GALNT17: variants seen among roughly 807,000 people sequenced by gnomAD.
The protein encoded by GALNT17 is polypeptide N-acetylgalactosaminyltransferase 17, also known as UDP-GalNAc:polypeptide N-acetylgalactosaminyltransferase-like 3.
In GALNT17, 29 loss-of-function variants were observed where a neutral mutation model predicts 63.7. The ratio of observed to expected loss-of-function variants is 0.46; its 90% confidence interval spans 0.34 to 0.62. GALNT17 has a LOEUF of 0.62. Ranked by LOEUF, GALNT17 falls within the 20% of genes least tolerant of loss-of-function variation. The pLI is 0.01. For missense variants in GALNT17, 603 were observed against 799.6 expected, an observed-to-expected ratio of 0.75 and a Z score of 2.97; for synonymous variants, 305 against 318.3, an observed-to-expected ratio of 0.96 and a Z score of 0.45.
chr7:71,555,540 A>C (rs957666553), intron 5 of GALNT17, among the ~76,000 whole-genome samples: 3 of 151,940 alleles, frequency 2.0e-5, no homozygotes, highest in Non-Finnish European at 2.9e-5. Flanking sequence ...CCCACCTATA[A>C]CACTGGTGAT....
chr7:71,584,389 C>T (rs1789684239), intron 6 of GALNT17, among the ~76,000 whole-genome samples: 1 of 152,056 alleles, frequency 6.6e-6, no homozygotes, highest in Non-Finnish European at 1.5e-5. Flanking sequence ...ATAATGAATC[C>T]AAATGTACTG....
rs151318109 is a variant in GALNT17, at chr7:71,458,412, G to A, written c.962+37307G>A. On this transcript the variant is annotated intron_variant, in intron 5 of 10. Coordinates refer to ENST00000333538, the MANE Select transcript of GALNT17 (RefSeq NM_022479.3). ...GAGTGCTTTTGGGCTGCAGCCCCAC[G>A]GTAGCATCTAAGATGGGTGCCTGTG... 1.0e-3 allele frequency among the ~76,000 whole-genome samples: 155 copies of A among 152,272 alleles called. 1 individual carries two copies. Among genetic ancestry groups the A allele is most frequent in the African/African-American group, 3.4e-3 (141 of 41,574 alleles).
intron 7 of GALNT17, among the ~76,000 whole-genome samples, chr7:71,668,702 G>A (rs1274823885): frequency 6.6e-6 from 1 of 152,004 alleles, no homozygotes; most frequent in African/African-American, 2.4e-5. Context: ...TCTTCTCCCA[G>A]GCCCCCCAGT....
At chr7:71,509,250 G>GT (rs531241100) in intron 5 of GALNT17, among the ~76,000 whole-genome samples, 170 of 152,340 alleles carry the variant, frequency 1.1e-3, no homozygotes, top group Admixed American at 1.8e-3. Flanking sequence ...GCCGGCTAAT[G>GT]TAAGTGTTCT....
intron 8 of GALNT17, among the ~76,000 whole-genome samples, chr7:71,670,960 T>A (rs1405558866): frequency 1.3e-5 from 2 of 152,062 alleles, no homozygotes; most frequent in East Asian, 1.9e-4. Flanking sequence ...CCATGTATTT[T>A]TTTTACTAAA....
At chr7:71,272,124 G>A (rs776189535) in intron 1 of GALNT17, among the ~76,000 whole-genome samples, 6 of 152,218 alleles carry the variant, frequency 3.9e-5, no homozygotes, top group Admixed American at 6.5e-5. Flanking sequence ...CATGCAGTAT[G>A]TAACCTTTGG....
chr7:71,593,149 CAATAATAATAATAAT>C (rs59397445), intron 6 of GALNT17, among the ~76,000 whole-genome samples: 85,829 of 146,834 alleles, frequency 0.58, 27,942 homozygotes, highest in East Asian at 0.78. Flanking sequence ...GACCTTGTTG[CAATAATAATAATAAT>C]AATAATAATA....
intron 2 of GALNT17, among the ~76,000 whole-genome samples, chr7:71,339,538 AAAG>A (rs769236339): frequency 3.9e-5 from 6 of 152,086 alleles, no homozygotes; most frequent in Admixed American, 2.0e-4. Context: ...ATATACAAAA[AAAG>A]AAGCGGGGCA....
At chr7:71,575,030 T>G (rs1301643874) in intron 6 of GALNT17, among the ~76,000 whole-genome samples, 1 of 152,150 alleles carries the variant, frequency 6.6e-6, no homozygotes, top group Non-Finnish European at 1.5e-5. Flanking sequence ...CCTTTTTAAC[T>G]TCATGTACGG....
At chr7:71,344,603 A>G (rs1438501569) in intron 2 of GALNT17, among the ~76,000 whole-genome samples, 1 of 152,130 alleles carries the variant, frequency 6.6e-6, no homozygotes, top group Non-Finnish European at 1.5e-5. Context: ...GGAGAATTGA[A>G]TGGAGAAGAT....
chr7:71,469,478 C>CG (rs1433265219), intron 5 of GALNT17, among the ~76,000 whole-genome samples: 2 of 152,118 alleles, frequency 1.3e-5, no homozygotes, highest in Non-Finnish European at 2.9e-5. Flanking sequence ...GAGACTCTGT[C>CG]GCAGCTGCAT....
intron 5 of GALNT17, among the ~76,000 whole-genome samples, chr7:71,453,202 TTCATTTGGAACA>T (rs1408057398): frequency 6.6e-6 from 1 of 152,168 alleles, no homozygotes; most frequent in East Asian, 1.9e-4. Flanking sequence ...CTAACCAGAT[TTCATTTGGAACA>T]TCATTCATAA....
At chr7:71,292,551 T>C (rs561206030) in intron 1 of GALNT17, among the ~76,000 whole-genome samples, 49 of 152,130 alleles carry the variant, frequency 3.2e-4, no homozygotes, top group African/African-American at 1.2e-3. Context: ...CAAGATGTAT[T>C]GATATATGCA....
At chr7:71,468,888 T>C (rs1176168805) in intron 5 of GALNT17, among the ~76,000 whole-genome samples, 6 of 152,316 alleles carry the variant, frequency 3.9e-5, no homozygotes, top group Admixed American at 6.5e-5. Context: ...TAAACTCTTA[T>C]TATTTGTTGA....
At chr7:71,201,813 A>G (rs1269087222) in intron 1 of GALNT17, among the ~76,000 whole-genome samples, 2 of 151,864 alleles carry the variant, frequency 1.3e-5, no homozygotes, top group Non-Finnish European at 2.9e-5. Context: ...TGTTATTTTT[A>G]GTAGAGACGG....
At chr7:71,678,774 G>A (rs367817241) in intron 9 of GALNT17, among the ~76,000 whole-genome samples, 6 of 143,040 alleles carry the variant, frequency 4.2e-5, no homozygotes, top group Non-Finnish European at 7.5e-5. Context: ...CAGCCTGTGC[G>A]ACAGAGTGAG....
At chr7:71,385,324 G>A (rs553948363) in intron 2 of GALNT17, among the ~76,000 whole-genome samples, 4 of 152,292 alleles carry the variant, frequency 2.6e-5, no homozygotes, top group East Asian at 1.9e-4. Flanking sequence ...CTGCCCAGCC[G>A]TCTGAGCATG....
intron 1 of GALNT17, among the ~76,000 whole-genome samples, chr7:71,230,468 C>T (rs1330941312): frequency 6.6e-6 from 1 of 152,126 alleles, no homozygotes; most frequent in Non-Finnish European, 1.5e-5. Context: ...ACAGCTTTCT[C>T]TTCTTTTCCA....
intron 1 of GALNT17, among the ~76,000 whole-genome samples, chr7:71,259,316 C>G (rs1254184924): frequency 6.6e-6 from 1 of 152,208 alleles, no homozygotes; most frequent in East Asian, 1.9e-4. Context: ...TGGCACTTTC[C>G]TGTTTCATGC....
Sources: allele counts gnomAD v4.1 joint callset (sites outside exome capture counted in the v4.1 genomes callset), GRCh38; gene constraint gnomAD v4.1.1; transcripts MANE v1.5; gene names NCBI Gene and HGNC (gene_info 2026-07-23, HGNC 2026-07-21).